Variants in CRADD observed in about 807,000 individuals in gnomAD.
CRADD encodes the protein death domain-containing protein CRADD.
In CRADD, 9 loss-of-function variants were observed where a neutral mutation model predicts 15.5. The observed-to-expected ratio is 0.58, with a 90% CI of 0.35 to 1.01. The LOEUF (loss-of-function observed/expected upper bound fraction) is 1.01, where lower values mean the gene tolerates loss of function less well. CRADD is among the 50% of genes least tolerant of loss of function. The pLI is 0.02. For missense variants in CRADD, 227 were observed against 250.3 expected, an observed-to-expected ratio of 0.91 and a Z score of 0.63; for synonymous variants, 118 against 107.6, an observed-to-expected ratio of 1.10 and a Z score of -0.60.
chr12:93,826,527 T>C (rs1957826257), intron 2 of CRADD, among the ~76,000 whole-genome samples: 1 of 152,256 alleles, frequency 6.6e-6, no homozygotes, highest in South Asian at 2.1e-4. Context: ...AGCTATATCC[T>C]CTGCTTCCAG....
intron 2 of CRADD, among the ~76,000 whole-genome samples, chr12:93,879,316 A>G (rs1958478993): frequency 6.6e-6 from 1 of 152,128 alleles, no homozygotes; most frequent in South Asian, 2.1e-4. Context: ...AATTACTTGA[A>G]TGTTCTCTTT....
At chr12:93,836,287 G>A (rs1283785283) in intron 2 of CRADD, 3 of 152,316 alleles carry the variant, frequency 2.0e-5, no homozygotes, top group East Asian at 1.9e-4. Flanking sequence ...AATTGATAGA[G>A]CTTCAGGAAG....
rs34791279 is a variant in CRADD, at chr12:93,770,096, CT to C, written c.299-79857del. 1.5e-3 allele frequency among the ~76,000 whole-genome samples: 200 copies of C among 129,964 alleles called. 1 individual carries two copies. The highest frequency in any genetic ancestry group is 3.9e-3 in the African/African-American group (136 of 35,108). 85.3% of individuals were successfully genotyped at this position (129,964 alleles called of 152,430 possible). ...TCATGAAGATATCCTCCTATGTTATCTTTTTTTTTTTTTTTTTGAGACGGAG... is the reference window on the plus strand; with the variant it reads ...TCATGAAGATATCCTCCTATGTTATCTTTTTTTTTTTTTTTTGAGACGGAG... On this transcript the variant is annotated intron_variant, in intron 2 of 2. Transcript: ENST00000332896.
At chr12:93,886,812 T>C (rs938318756) in intron 2 of CRADD, among the ~76,000 whole-genome samples, 10 of 152,100 alleles carry the variant, frequency 6.6e-5, no homozygotes, top group Admixed American at 4.6e-4. Context: ...GGAGATTTAT[T>C]ATCATAGAAA....
In CRADD at chr12:93,884,099, G is replaced by A. The variant is rs61059151; in HGVS notation, c.299-9951G>A. Among the ~76,000 whole-genome samples the A allele has an allele frequency of 3.4e-3, 522 of 152,252 alleles. 17 individuals carry two copies. Among genetic ancestry groups the A allele is most frequent in the Admixed American group, 0.026 (398 of 15,288 alleles). ...TACGGGTGAGAGGGGACTAAAAAAG[G>A]GTATGAATACCAGGAGCAGAGGCTC... is the stretch of plus-strand genomic sequence containing the variant. On this transcript the variant is annotated intron_variant, in intron 2 of 2. Transcript: ENST00000548483.
At chr12:93,696,154 A>G (rs1186094811) in intron 2 of CRADD, among the ~76,000 whole-genome samples, 1 of 152,250 alleles carries the variant, frequency 6.6e-6, no homozygotes, top group Non-Finnish European at 1.5e-5. Context: ...GTGAATCAGT[A>G]TAGTCATTAT....
intron 2 of CRADD, among the ~76,000 whole-genome samples, chr12:93,787,643 TA>T (rs983061957): frequency 6.6e-6 from 1 of 152,204 alleles, no homozygotes; most frequent in African/African-American, 2.4e-5. Context: ...AATACATGCT[TA>T]TACCAAGTTC....
chr12:93,690,106 T>TG (rs1399292077), intron 2 of CRADD, among the ~76,000 whole-genome samples: 2 of 152,090 alleles, frequency 1.3e-5, no homozygotes, highest in Non-Finnish European at 2.9e-5. Flanking sequence ...GAGGCAACAG[T>TG]GGGGGATCTC....
At chr12:93,707,688 G>A (rs1317751490) in intron 2 of CRADD, 1 of 152,222 alleles carries the variant, frequency 6.6e-6, no homozygotes, top group Non-Finnish European at 1.5e-5. Context: ...GGGTCAGGAG[G>A]GGGTCAGGGA....
At chr12:93,868,825 A>C (rs894271495) in intron 2 of CRADD, among the ~76,000 whole-genome samples, 14 of 152,154 alleles carry the variant, frequency 9.2e-5, no homozygotes, top group African/African-American at 3.4e-4. Flanking sequence ...TCAACTAAAG[A>C]ATTAGAGGCT....
intron 2 of CRADD, among the ~76,000 whole-genome samples, chr12:93,847,526 C>G (rs1958144268): frequency 7.0e-6 from 1 of 143,134 alleles, no homozygotes; most frequent in Non-Finnish European, 1.5e-5. Flanking sequence ...AAAAAACCTC[C>G]CTGTGATGAA....
chr12:93,800,420 T>C (rs1461428496), intron 2 of CRADD, among the ~76,000 whole-genome samples: 1 of 152,184 alleles, frequency 6.6e-6, no homozygotes, highest in Non-Finnish European at 1.5e-5. Context: ...TTTGATTCTG[T>C]GTCTCCATCC....
Position 93,678,802 on chromosome 12 carries a change from C to T in CRADD, c.28C>T (p.Arg10Cys), listed in dbSNP as rs776902556. 2.3e-5 allele frequency: 37 copies of T among 1,613,802 alleles called. No homozygotes were observed. In the South Asian group the frequency reaches 2.9e-4, roughly 12 times the overall value. The change falls in exon 2 of 3, where the codon CGC becomes TGC. Residue 10 changes from arginine (R) to cysteine (C), a missense_variant. Arg to Cys is a radical substitution (Grantham distance 180). Transcript: ENST00000332896. MEARDKQVL[R>C]SLRLELGAEV... ...GGAGGCCAGAGACAAACAAGTACTC[C>T]GCTCACTTCGCCTGGAGCTGGGTGC... is the stretch of plus-strand genomic sequence containing the variant.
At chr12:93,797,987 T>C (rs1270907169) in intron 2 of CRADD, among the ~76,000 whole-genome samples, 1 of 152,164 alleles carries the variant, frequency 6.6e-6, no homozygotes, top group Non-Finnish European at 1.5e-5. Flanking sequence ...TTGGGTGATT[T>C]ATTAAGAGAA....
chr12:93,841,629 C>G (rs1205355237), intron 2 of CRADD, among the ~76,000 whole-genome samples: 1 of 152,184 alleles, frequency 6.6e-6, no homozygotes, highest in Non-Finnish European at 1.5e-5. Flanking sequence ...GGTCATTGTT[C>G]AGCAAACTTT....
chr12:93,682,818 A>G (rs568495245), intron 2 of CRADD, among the ~76,000 whole-genome samples: 5 of 152,166 alleles, frequency 3.3e-5, no homozygotes, highest in Non-Finnish European at 7.4e-5. Context: ...GTTAGGAAAA[A>G]AAAAAAGGTT....
At chr12:93,703,095 T>C (rs1335192671) in intron 2 of CRADD, among the ~76,000 whole-genome samples, 1 of 152,198 alleles carries the variant, frequency 6.6e-6, no homozygotes, top group Non-Finnish European at 1.5e-5. Flanking sequence ...GACTGCATGC[T>C]GACTGTGTTC....
chr12:93,790,013 G>A (rs1040638831), intron 2 of CRADD, among the ~76,000 whole-genome samples: 4 of 152,086 alleles, frequency 2.6e-5, no homozygotes, highest in Admixed American at 6.5e-5. Context: ...CTGTGTGTTC[G>A]TACTGCCTCT....
intron 2 of CRADD, among the ~76,000 whole-genome samples, chr12:93,751,895 T>C (rs760179793): frequency 3.3e-4 from 51 of 152,294 alleles, no homozygotes; most frequent in Non-Finnish European, 6.8e-4. Context: ...TTATCTTTAC[T>C]TTGCTCCTTT....
Sources: gnomAD v4.1 joint callset for allele counts (sites outside exome capture counted in the v4.1 genomes callset) on GRCh38, gnomAD v4.1.1 for gene constraint, MANE v1.5 for transcripts, NCBI Gene and HGNC (gene_info 2026-07-23, HGNC 2026-07-21) for gene names.